The following ZNF470 variants were observed in gnomAD, a reference collection of about 807,000 sequenced individuals.
ZNF470 encodes the protein chondrogenesis zinc finger protein 1.
A neutral mutation model predicts 13.9 loss-of-function variants in ZNF470; 13 were observed. That is an observed-to-expected ratio of 0.94 (90% CI 0.61 to 1.49). ZNF470 has a LOEUF of 1.49. ZNF470 is among the 40% of genes most tolerant of loss of function. ZNF470 has a pLI of 0.00. For synonymous variants in ZNF470, 293 were observed against 282.9 expected (o/e 1.04, Z -0.36); for missense variants, 929 against 857.3 (o/e 1.08, Z -1.04).
chr19:56,582,586 A>G lies in ZNF470; in HGVS notation c.*4003A>G. The G allele has an allele frequency of 1.0e-6, 1 of 985,374 alleles. No homozygotes were observed. Among genetic ancestry groups the G allele is most frequent in the South Asian group, 4.7e-5 (1 of 21,290 alleles). 61.0% of individuals were successfully genotyped at this position (985,374 alleles called of 1,614,324 possible). A position where few individuals can be genotyped will look rare whatever the true frequency, so the allele number is the denominator to read the frequency against. The stretch of plus-strand genomic sequence containing the variant: ...GCTGGCCTCTACCACCACCAAATTT[A>G]CTTGTTGAAGTCCTAAACCCCAACA... On this transcript the variant is annotated 3_prime_UTR_variant, in exon 6 of 6. Transcript: ENST00000330619.
Position 56,582,151 on chromosome 19 carries a change from C to G in ZNF470, c.*3568C>G. The G allele has an allele frequency of 1.0e-6, 1 of 985,366 alleles. No individual in the cohort carries two copies. The highest frequency in any genetic ancestry group is 4.7e-5 in the South Asian group (1 of 21,286). The allele number at this position is 985,366 out of a possible 1,614,324, so 61.0% of individuals were successfully genotyped here. On this transcript the variant is annotated 3_prime_UTR_variant, in exon 6 of 6. Coordinates refer to ENST00000330619, the MANE Select transcript of ZNF470 (RefSeq NM_001001668.4). ...ACTTATATTCTAGACTGGAAAGCAT[C>G]TCATGGTGTGCGATGAGCAAACGCC...
rs766697736 is a variant in ZNF470 at position 56,577,540 on chromosome 19, A to G, written c.1111A>G (p.Ile371Val). 3.7e-6 allele frequency: 6 copies of G among 1,613,982 alleles called. No homozygotes were observed. The highest frequency in any genetic ancestry group is 5.1e-6 in the Non-Finnish European group (6 of 1,180,022). Reference sequence around the variant, plus strand: ...CACTGGGAAAAGACCTTATGAATGTATTGACTGTGGGAAAGCTTTCAGGCA... The same window carrying G: ...CACTGGGAAAAGACCTTATGAATGTGTTGACTGTGGGAAAGCTTTCAGGCA... The part of the protein sequence containing the change: ...IHTGKRPYEC[I>V]DCGKAFRQNA... Residue 371 changes from isoleucine to valine, a missense_variant, in exon 6 of 6, where the codon ATT becomes GTT. By Grantham distance (29) the Ile-to-Val change is conservative. Coordinates refer to ENST00000330619, the MANE Select transcript of ZNF470 (RefSeq NM_001001668.4).
rs1304056635 is a variant in ZNF470 at position 56,577,656 on chromosome 19, C to T, written c.1227C>T (p.His409=). 9 of 1,610,894 alleles carry T rather than the reference C, an allele frequency of 5.6e-6. No individual in the cohort carries two copies. The highest frequency in any genetic ancestry group is 7.6e-6 in the Non-Finnish European group (9 of 1,177,618). ...ATTGTGGGAAGGCTTTCACTGATCACATAGGACTTATTCAGCATAAGAGAA... is the reference window on the plus strand; with the variant it reads ...ATTGTGGGAAGGCTTTCACTGATCATATAGGACTTATTCAGCATAAGAGAA... The part of the protein sequence containing the change: ...CIDCGKAFTD[H]IGLIQHKRTH... Residue 409 remains histidine, a synonymous_variant, in exon 6 of 6, where the codon CAC becomes CAT. Coordinates refer to ENST00000330619, the MANE Select transcript of ZNF470 (RefSeq NM_001001668.4).
chr19:56,581,689 T>A lies in ZNF470; in HGVS notation c.*3106T>A. On this transcript the variant is annotated 3_prime_UTR_variant, in exon 6 of 6. Coordinates refer to ENST00000330619, the MANE Select transcript of ZNF470 (RefSeq NM_001001668.4). ...TATCAAAAATAAAAATCAAAATATA[T>A]ATTATAGTAGGCATTTGTTTTTCTC... is the stretch of plus-strand genomic sequence containing the variant. The A allele has an allele frequency of 1.0e-6, 1 of 982,922 alleles. No individual in the cohort carries two copies. The highest frequency in any genetic ancestry group is 1.2e-6 in the Non-Finnish European group (1 of 827,662). 60.9% of individuals were successfully genotyped at this position (982,922 alleles called of 1,614,324 possible). A position where few individuals can be genotyped will look rare whatever the true frequency, so the allele number is the denominator to read the frequency against.
At position 56,577,031 on chromosome 19, in the gene ZNF470, A is replaced by G. The variant is rs776809014; in HGVS notation, c.602A>G (p.Asn201Ser). The change falls in exon 6 of 6, where the codon AAT becomes AGT. Residue 201 changes from asparagine to serine, a missense_variant. Asn to Ser is a conservative substitution (Grantham distance 46). Coordinates refer to ENST00000330619, the MANE Select transcript of ZNF470 (RefSeq NM_001001668.4). Reference protein sequence around the residue: ...QIFPMEERIFNFHTDKKSLKT... With the variant: ...QIFPMEERIFSFHTDKKSLKT... ...TTTCCCATGGAAGAGAGAATATTTA[A>G]TTTTCATACAGATAAGAAAAGCTTA... 7 of 1,582,406 alleles carry G rather than the reference A, an allele frequency of 4.4e-6. No individual in the cohort carries two copies. Among genetic ancestry groups the G allele is most frequent in the Non-Finnish European group, 6.0e-6 (7 of 1,169,320 alleles).
chr19:56,569,815 C>G (rs913664207), intron 2 of ZNF470, among the ~76,000 whole-genome samples: 1 of 151,866 alleles, frequency 6.6e-6, no homozygotes, highest in African/African-American at 2.4e-5. Flanking sequence ...ATAGTGAGAC[C>G]CCCATCTCTA....
rs2044538578 is a variant in ZNF470, at chr19:56,581,826, C to T, written c.*3243C>T. On this transcript the variant is annotated 3_prime_UTR_variant, in exon 6 of 6. Transcript: ENST00000330619. ...TGATGGACGTGGCCAATAAAATTGT[C>T]TCTGAATTTCAAAAGGCATTTGGAT... 2.0e-6 allele frequency: 2 copies of T among 985,224 alleles called. No individual in the cohort carries two copies. Among genetic ancestry groups the T allele is most frequent in the African/African-American group, 1.7e-5 (1 of 57,192 alleles). 61.0% of individuals were successfully genotyped at this position (985,224 alleles called of 1,614,324 possible). A position where few individuals can be genotyped will look rare whatever the true frequency, so the allele number is the denominator to read the frequency against.
At chr19:56,571,225 T>A (rs758979796) in intron 3 of ZNF470, among the ~76,000 whole-genome samples, 39 of 152,256 alleles carry the variant, frequency 2.6e-4, no homozygotes, top group Non-Finnish European at 4.4e-4. Flanking sequence ...CTAGGTTGAA[T>A]ACCATAATCT....
intron 2 of ZNF470, among the ~76,000 whole-genome samples, chr19:56,569,892 A>G (rs1351029643): frequency 6.6e-6 from 1 of 152,182 alleles, no homozygotes; most frequent in Non-Finnish European, 1.5e-5. Flanking sequence ...TAGGAGGCCT[A>G]AGCAGGAGGA....
In ZNF470 at chr19:56,581,452, A is replaced by G. The variant is rs1168941511; in HGVS notation, c.*2869A>G. On this transcript the variant is annotated 3_prime_UTR_variant, in exon 6 of 6. Transcript: ENST00000330619. ...GAAACCAACATATACAAAGGTAGAT[A>G]AATGTATTAGTGGCAAAAAAATTAA... 7.3e-6 allele frequency: 7 copies of G among 960,318 alleles called. No individual in the cohort carries two copies. Among genetic ancestry groups the G allele is most frequent in the South Asian group, 4.8e-5 (1 of 20,686 alleles). 59.5% of individuals were successfully genotyped at this position (960,318 alleles called of 1,614,324 possible).
At chr19:56,576,138 C>T (rs1197014596) in intron 5 of ZNF470, among the ~76,000 whole-genome samples, 1 of 152,068 alleles carries the variant, frequency 6.6e-6, no homozygotes, top group Non-Finnish European at 1.5e-5. Context: ...CTATTTTCCT[C>T]AACTCTCCAT....
intron 1 of ZNF470, 31 bp downstream of exon 1, chr19:56,568,069 C>T (rs2147977190): frequency 2.0e-6 from 2 of 985,756 alleles, no homozygotes; most frequent in East Asian, 1.1e-4. Flanking sequence ...ATGTGGCTGC[C>T]GGAGTGGACA....
At position 56,578,160 on chromosome 19, in the gene ZNF470, C is replaced by G; in HGVS notation, c.1731C>G (p.Gly577=). The G allele has an allele frequency of 1.2e-6, 2 of 1,613,766 alleles. No homozygotes were observed. The highest frequency in any genetic ancestry group is 1.7e-6 in the Non-Finnish European group (2 of 1,179,930). ...CIECGKAFSD[G]SYLVQHQRLH... Reference sequence around the variant, plus strand: ...AATGTGGGAAGGCCTTTAGTGATGGCTCATATCTTGTTCAACATCAGAGAC... The same window carrying G: ...AATGTGGGAAGGCCTTTAGTGATGGGTCATATCTTGTTCAACATCAGAGAC... Residue 577 remains glycine (G), a synonymous_variant, in exon 6 of 6, where the codon GGC becomes GGG. Transcript: ENST00000330619.
At position 56,577,641 on chromosome 19, in the gene ZNF470, G is replaced by C. The variant is rs757380097; in HGVS notation, c.1212G>C (p.Lys404Asn). Residue 404 changes from lysine (K) to asparagine (N), a missense_variant, in exon 6 of 6, where the codon AAG becomes AAC. Transcript: ENST00000330619. Reference protein sequence around the residue: ...EKPFDCIDCGKAFTDHIGLIQ... With the variant: ...EKPFDCIDCGNAFTDHIGLIQ... ...CCTTTGACTGTATTGATTGTGGGAA[G>C]GCTTTCACTGATCACATAGGACTTA... 4 of 1,613,788 alleles carry C rather than the reference G, an allele frequency of 2.5e-6. No homozygotes were observed. In the East Asian group the frequency reaches 8.9e-5, roughly 36 times the overall value.
rs71352891 is a variant in ZNF470 at position 56,578,552 on chromosome 19, C to T, written c.2123C>T (p.Ser708Phe). The T allele has an allele frequency of 1.2e-5, 18 of 1,560,858 alleles. No individual in the cohort carries two copies. In the Admixed American group the frequency reaches 2.5e-4, roughly 22 times the overall value. The change falls in exon 6 of 6, where the codon TCC becomes TTC. Residue 708 changes from serine (S) to phenylalanine (F), a missense_variant. Coordinates refer to ENST00000330619, the MANE Select transcript of ZNF470 (RefSeq NM_001001668.4). ...IHTGESSVILSSALPYHQVL is the reference protein window; with the variant it reads ...IHTGESSVILFSALPYHQVL The stretch of plus-strand genomic sequence containing the variant: ...ACCGGAGAGTCATCAGTTATTCTCT[C>T]CTCTGCCCTCCCATACCACCAAGTC...
intron 3 of ZNF470, among the ~76,000 whole-genome samples, chr19:56,572,587 C>G (rs541857767): frequency 6.7e-6 from 1 of 149,066 alleles, no homozygotes; most frequent in African/African-American, 2.5e-5. Context: ...GGAAAAAGCC[C>G]CAGATTTGAA....
chr19:56,573,269 A>G (rs2044467841), intron 3 of ZNF470, among the ~76,000 whole-genome samples: 1 of 152,080 alleles, frequency 6.6e-6, no homozygotes, highest in South Asian at 2.1e-4. Context: ...CAATTACATC[A>G]TGCCAGGCAT....
At position 56,573,790 on chromosome 19, in the gene ZNF470, G is replaced by C. The variant is rs2044470666; in HGVS notation, c.61-604G>C. On this transcript the variant is annotated intron_variant, in intron 3 of 5. Transcript: ENST00000330619. ...GACCCTGTCTCTACAAAATGAAGAA[G>C]TAAATAAAAAAGGAAAATGAAAAAC... 2.0e-5 allele frequency: 4 copies of C among 203,930 alleles called. No homozygotes were observed. The Admixed American group carries it at 2.6e-4, about 13-fold the overall frequency. The allele number at this position is 203,930 out of a possible 1,614,324, so 12.6% of individuals were successfully genotyped here. A position where few individuals can be genotyped will look rare whatever the true frequency, so the allele number is the denominator to read the frequency against.
At chr19:56,574,280 G>A (rs2044473791) in intron 3 of ZNF470, 114 bp from the exon 4 acceptor site, 2 of 1,497,606 alleles carry the variant, frequency 1.3e-6, no homozygotes, top group Non-Finnish European at 1.9e-6. Context: ...CCTTAGTGCA[G>A]TTACTTATAC....
Sources: allele counts gnomAD v4.1 joint callset (sites outside exome capture counted in the v4.1 genomes callset), GRCh38; gene constraint gnomAD v4.1.1; transcripts MANE v1.5; gene names NCBI Gene and HGNC (gene_info 2026-07-23, HGNC 2026-07-21).